Variants in DCAF8L2 observed in about 807,000 individuals in gnomAD.
DCAF8L2 encodes the protein DDB1 and CUL4 associated factor 8 like 2, also known as DDB1- and CUL4-associated factor 8-like protein 2.
For missense variants in DCAF8L2, 430 were observed against 490.7 expected (o/e 0.88, Z 1.17); for synonymous variants, 200 against 190.9 (o/e 1.05, Z -0.39).
At chrX:27,519,084 G>A in the DCAF8L2 span, 55 of 1,050,793 alleles carry the variant, frequency 5.2e-5, no homozygotes, top group Non-Finnish European at 6.5e-5. Flanking sequence ...CTCAGGCTAG[G>A]GAGGGGAAAC....
chrX:27,733,972 C>G (rs1445348714), intron 4 of DCAF8L2, among the ~76,000 whole-genome samples: 1 of 110,818 alleles, frequency 9.0e-6, no homozygotes, highest in Non-Finnish European at 1.9e-5. Context: ...AAGCATTTGA[C>G]AAAGTTAAGC....
At chrX:27,529,240 A>G in the DCAF8L2 span, among the ~76,000 whole-genome samples, 1 of 111,613 alleles carries the variant, frequency 9.0e-6, no homozygotes, top group Non-Finnish European at 1.9e-5. Flanking sequence ...CCCATCCTGG[A>G]TGGCACTGAA....
chrX:27,500,459 G>A, the DCAF8L2 span, among the ~76,000 whole-genome samples: 6 of 111,227 alleles, frequency 5.4e-5, no homozygotes, highest in Non-Finnish European at 9.4e-5. Context: ...TTCACAGATC[G>A]GCCATGTAGC....
At chrX:27,728,183 T>C (rs1036621247) in intron 4 of DCAF8L2, among the ~76,000 whole-genome samples, 1 of 111,623 alleles carries the variant, frequency 9.0e-6, no homozygotes, top group East Asian at 2.8e-4. Flanking sequence ...AACAAAATTA[T>C]GGAATCTCAA....
At chrX:27,514,902 G>A in the DCAF8L2 span, among the ~76,000 whole-genome samples, 1 of 110,163 alleles carries the variant, frequency 9.1e-6, no homozygotes, top group African/African-American at 3.3e-5. Flanking sequence ...AAGGAGAGGG[G>A]GAATGGAAGA....
At chrX:27,724,772 G>A (rs979721639) in intron 4 of DCAF8L2, among the ~76,000 whole-genome samples, 1 of 110,848 alleles carries the variant, frequency 9.0e-6, no homozygotes, top group Non-Finnish European at 1.9e-5. Context: ...TTGATAGATT[G>A]TTGCCAGGTT....
intron 2 of DCAF8L2, among the ~76,000 whole-genome samples, chrX:27,636,600 G>T (rs925434073): frequency 8.1e-5 from 9 of 111,244 alleles, no homozygotes; most frequent in Non-Finnish European, 1.7e-4. Context: ...AGAGAGCCAG[G>T]TATATCAGGT....
the DCAF8L2 span, among the ~76,000 whole-genome samples, chrX:27,535,672 T>A: frequency 8.9e-6 from 1 of 112,076 alleles, no homozygotes; most frequent in African/African-American, 3.2e-5. Context: ...CAGAGTGCTA[T>A]ACTGTTGTAT....
chrX:27,510,284 T>C, the DCAF8L2 span, among the ~76,000 whole-genome samples: 18 of 110,503 alleles, frequency 1.6e-4, no homozygotes, highest in Non-Finnish European at 3.0e-4. Flanking sequence ...TTAATTATTT[T>C]GTAACCAGAG....
chrX:27,685,758 T>C (rs1930482497), intron 3 of DCAF8L2, among the ~76,000 whole-genome samples: 1 of 111,717 alleles, frequency 9.0e-6, no homozygotes, highest in Non-Finnish European at 1.9e-5. Context: ...AAAAACCTTC[T>C]GCAGAGCAAA....
At chrX:27,571,304 C>T in the DCAF8L2 span, among the ~76,000 whole-genome samples, 1 of 111,490 alleles carries the variant, frequency 9.0e-6, no homozygotes. Flanking sequence ...CCAAAGGTCC[C>T]CAGGCAAAAG....
chrX:27,656,754 G>A (rs1929368516), intron 2 of DCAF8L2, among the ~76,000 whole-genome samples: 1 of 111,554 alleles, frequency 9.0e-6, no homozygotes, highest in Non-Finnish European at 1.9e-5. Flanking sequence ...AAACTTCAAG[G>A]CTTAGGCTAA....
chrX:27,723,094 AG>A lies in DCAF8L2; in HGVS notation c.-59+6924del, dbSNP rs751502370. ...AACTATAGGTTTTCTGAAGGATGCA[AG>A]AATTATACTTGTATGGAAAACTATA... is the stretch of plus-strand genomic sequence containing the variant. On this transcript the variant is annotated intron_variant, in intron 4 of 4. Coordinates refer to ENST00000451261, the MANE Select transcript of DCAF8L2 (RefSeq NM_001353450.2). 3.6e-5 allele frequency among the ~76,000 whole-genome samples: 4 copies of A among 110,643 alleles called. No homozygotes were observed. In the East Asian group the frequency reaches 1.1e-3, roughly 31 times the overall value.
chrX:27,678,752 G>C (rs1425331781), intron 3 of DCAF8L2, among the ~76,000 whole-genome samples: 1 of 111,626 alleles, frequency 9.0e-6, no homozygotes, highest in Admixed American at 9.6e-5. Flanking sequence ...GCTGGAGATG[G>C]ATGTTGCTGA....
chrX:27,518,276 T>C, the DCAF8L2 span: 702 of 914,242 alleles, frequency 7.7e-4, 2 homozygotes, highest in African/African-American at 0.011. Flanking sequence ...GATAGAATCC[T>C]ACCCCAGCGT....
chrX:27,643,092 A>G (rs1928804419), intron 2 of DCAF8L2, among the ~76,000 whole-genome samples: 1 of 111,977 alleles, frequency 8.9e-6, no homozygotes, highest in South Asian at 3.7e-4. Context: ...CAGACATACA[A>G]CTAGTAGTGA....
intron 1 of DCAF8L2, among the ~76,000 whole-genome samples, chrX:27,610,211 C>T (rs975019480): frequency 9.0e-6 from 1 of 111,198 alleles, no homozygotes; most frequent in Admixed American, 9.7e-5. Flanking sequence ...TAAGTATGTA[C>T]TCTTAAGACG....
chrX:27,685,406 A>C (rs753420366), intron 3 of DCAF8L2, among the ~76,000 whole-genome samples: 231 of 111,801 alleles, frequency 2.1e-3, no homozygotes, highest in African/African-American at 6.9e-3. Context: ...CAATTACTGT[A>C]TCAATAACTG....
At chrX:27,728,991 T>A (rs1390398347) in intron 4 of DCAF8L2, among the ~76,000 whole-genome samples, 12 of 111,962 alleles carry the variant, frequency 1.1e-4, no homozygotes, top group Non-Finnish European at 9.4e-5. Flanking sequence ...CAAGTGAATT[T>A]TTTTAAGAGG....
Sources: allele counts gnomAD v4.1 joint callset (sites outside exome capture counted in the v4.1 genomes callset), GRCh38; gene constraint gnomAD v4.1.1; transcripts MANE v1.5; gene names NCBI Gene and HGNC (gene_info 2026-07-23, HGNC 2026-07-21).